The following CPA5 variants were observed in gnomAD, a reference collection of about 807,000 sequenced individuals.
CPA5 encodes carboxypeptidase A5, also known as testicular tissue protein Li 32.
In CPA5, 38 loss-of-function variants were observed where a neutral mutation model predicts 52.2. That is an observed-to-expected ratio of 0.73 (90% CI 0.56 to 0.95). The LOEUF (loss-of-function observed/expected upper bound fraction) is 0.95, where lower values mean the gene tolerates loss of function less well. CPA5 is among the 40% of genes least tolerant of loss of function. CPA5 has a pLI of 0.00. For missense variants in CPA5, 519 were observed against 566.7 expected (o/e 0.92, Z 0.86); for synonymous variants, 198 against 213.7 (o/e 0.93, Z 0.64).
chr7:130,352,132 C>T (rs1795186252), intron 5 of CPA5, among the ~76,000 whole-genome samples: 1 of 152,064 alleles, frequency 6.6e-6, no homozygotes, highest in African/African-American at 2.4e-5. Flanking sequence ...GGCTGGAAAA[C>T]CTCGATGCTG....
intron 12 of CPA5, among the ~76,000 whole-genome samples, 192 bp downstream of exon 12, chr7:130,368,182 G>C (rs1452660987): frequency 1.3e-5 from 2 of 152,252 alleles, no homozygotes; most frequent in African/African-American, 4.8e-5. Flanking sequence ...CTTACTGCAA[G>C]GTTCCTAAGC....
chr7:130,352,776 C>G (rs1451322220), intron 5 of CPA5, among the ~76,000 whole-genome samples: 2 of 151,944 alleles, frequency 1.3e-5, no homozygotes, highest in Non-Finnish European at 2.9e-5. Context: ...AAGAAATTAT[C>G]TGATTCCGAG....
rs1216313395 is a variant in CPA5 at position 130,357,950 on chromosome 7, CTCTGTG to C, written c.334-1637_334-1632del. Among the ~76,000 whole-genome samples, 90 of 77,868 alleles carry C rather than the reference CTCTGTG, an allele frequency of 1.2e-3. 5 individuals carry two copies. The highest frequency in any genetic ancestry group is 1.9e-4 in the African/African-American group (4 of 21,132). 51.1% of individuals were successfully genotyped at this position (77,868 alleles called of 152,430 possible). On this transcript the variant is annotated intron_variant, in intron 5 of 12. Transcript: ENST00000474905. ...TCTGTGTATGTGTGTGTTTTTGTGC[CTCTGTG>C]TGTGTGTGTGTGTGTGTGTGTGTGT...
At chr7:130,363,113 C>G (rs1795885124) in intron 9 of CPA5, 119 bp downstream of exon 9, 2 of 652,766 alleles carry the variant, frequency 3.1e-6, no homozygotes, top group South Asian at 3.7e-5. Flanking sequence ...TCACCAAGGG[C>G]AGGAGGGCTG....
At chr7:130,346,678 C>A in intron 3 of CPA5, 77 bp downstream of exon 3, 1 of 1,173,626 alleles carries the variant, frequency 8.5e-7, no homozygotes, top group Non-Finnish European at 1.3e-6. Flanking sequence ...AGGTGGCTGC[C>A]CTGCTGGTGC....
chr7:130,361,937 G>C (rs781945829), intron 7 of CPA5, among the ~76,000 whole-genome samples: 14 of 152,136 alleles, frequency 9.2e-5, no homozygotes, highest in Admixed American at 8.5e-4. Flanking sequence ...ACCTAACTTG[G>C]GATTTGACTT....
chr7:130,346,074 A>G (rs1483309055), intron 2 of CPA5, among the ~76,000 whole-genome samples, 178 bp downstream of exon 2: 1 of 152,222 alleles, frequency 6.6e-6, no homozygotes, highest in Non-Finnish European at 1.5e-5. Context: ...GGCCCAGGGA[A>G]AGCATGAGTG....
At position 130,350,110 on chromosome 7, in the gene CPA5, G is replaced by T; in HGVS notation, c.333+1G>T. 6.2e-7 allele frequency: 1 copy of T among 1,610,238 alleles called. No homozygotes were observed. Among genetic ancestry groups the T allele is most frequent in the South Asian group, 1.1e-5 (1 of 90,424 alleles). On this transcript the variant is annotated splice_donor_variant, in intron 5 of 12. Transcript: ENST00000474905. LOFTEE classifies it high-confidence loss of function. ...CAGCATCATGATAAAGGACATCCAG[G>T]TGAAGCCCTGCCCCAGCTGGGACCC...
chr7:130,368,302 T>C, intron 12 of CPA5, 108 bp from the exon 13 acceptor site: 1 of 1,080,742 alleles, frequency 9.3e-7, no homozygotes, highest in Non-Finnish European at 1.3e-6. Flanking sequence ...CTGGGGTGGG[T>C]GGGGGTTTGG....
chr7:130,357,265 G>A (rs967911025), intron 5 of CPA5, among the ~76,000 whole-genome samples: 10 of 152,178 alleles, frequency 6.6e-5, no homozygotes, highest in Non-Finnish European at 1.3e-4. Flanking sequence ...ATTAGGCATT[G>A]CCTCATCTGT....
At chr7:130,373,775 T>C in the CPA5 span, among the ~76,000 whole-genome samples, 1 of 152,240 alleles carries the variant, frequency 6.6e-6, no homozygotes, top group Non-Finnish European at 1.5e-5. Flanking sequence ...ATGGGGCCTG[T>C]CGGAACTTCC....
intron 11 of CPA5, 39 bp downstream of exon 11, chr7:130,367,610 C>T: frequency 1.3e-6 from 2 of 1,561,116 alleles, no homozygotes; most frequent in South Asian, 1.1e-5. Flanking sequence ...GAAGAGACCG[C>T]TTCACAGGAA....
Position 130,368,700 on chromosome 7 carries a change from T to G in CPA5, c.*103T>G. 1 of 1,205,078 alleles carries G rather than the reference T, an allele frequency of 8.3e-7. No homozygotes were observed. The highest frequency in any genetic ancestry group is 1.5e-5 in the African/African-American group (1 of 65,502). The allele number at this position is 1,205,078 out of a possible 1,614,324, so 74.6% of individuals were successfully genotyped here. A position where few individuals can be genotyped will look rare whatever the true frequency, so the allele number is the denominator to read the frequency against. ...CCATCCCCATGCCCTCATCCCGACC[T>G]CTTAGAAAATAAATACAAGTTTGAA... On this transcript the variant is annotated 3_prime_UTR_variant, in exon 13 of 13. Coordinates refer to ENST00000474905, the MANE Select transcript of CPA5 (RefSeq NM_080385.5).
chr7:130,354,075 A>C (rs1375510802), intron 5 of CPA5, among the ~76,000 whole-genome samples: 11 of 151,948 alleles, frequency 7.2e-5, no homozygotes, highest in Admixed American at 7.2e-4. Flanking sequence ...CTACAGGCCC[A>C]TGTCACCATA....
At position 130,363,004 on chromosome 7, in the gene CPA5, C is replaced by G. The variant is rs1554407230; in HGVS notation, c.747+10C>G. 1 of 1,541,886 alleles carries G rather than the reference C, an allele frequency of 6.5e-7. No individual in the cohort carries two copies. The highest frequency in any genetic ancestry group is 2.2e-5 in the East Asian group (1 of 44,512). On this transcript the variant is annotated intron_variant, in intron 9 of 12. Coordinates refer to ENST00000474905, the MANE Select transcript of CPA5 (RefSeq NM_080385.5). The stretch of plus-strand genomic sequence containing the variant: ...TTTTACCCACAGCATGGTGAGGGAA[C>G]CTGGGAAGGATGGAAGGAGGGGGTC...
In CPA5 at chr7:130,361,340, G is replaced by A. The variant is rs543240121; in HGVS notation, c.534+96G>A. ...GGTAGTGGCTGGGCGGGAGTTTTGC[G>A]GAGAAGGACAATTTGTCTACTCCTG... On this transcript the variant is annotated intron_variant, in intron 7 of 12. Coordinates refer to ENST00000474905, the MANE Select transcript of CPA5 (RefSeq NM_080385.5). 2.4e-4 allele frequency: 204 copies of A among 840,834 alleles called. 1 individual carries two copies. Among genetic ancestry groups the A allele is most frequent in the East Asian group, 1.2e-3 (46 of 38,860 alleles). 52.1% of individuals were successfully genotyped at this position (840,834 alleles called of 1,614,324 possible). A position where few individuals can be genotyped will look rare whatever the true frequency, so the allele number is the denominator to read the frequency against.
chr7:130,346,513 C>T lies in CPA5; in HGVS notation c.28C>T (p.Arg10Cys), dbSNP rs544178404. The T allele has an allele frequency of 6.1e-5, 99 of 1,613,484 alleles. 2 individuals carry two copies. The highest frequency in any genetic ancestry group is 2.3e-4 in the South Asian group (21 of 91,066). MQGTPGGGTRPGPSPVDRRT... is the reference protein window; with the variant it reads MQGTPGGGTCPGPSPVDRRT... Reference sequence around the variant, plus strand: ...GCAGGGCACCCCTGGAGGCGGGACGCGCCCTGGGCCATCCCCCGTGGACAG... The same window carrying T: ...GCAGGGCACCCCTGGAGGCGGGACGTGCCCTGGGCCATCCCCCGTGGACAG... The change falls in exon 3 of 13, where the codon CGC becomes TGC. Residue 10 changes from arginine (R) to cysteine (C), a missense_variant. Arg to Cys is a radical substitution (Grantham distance 180). Transcript: ENST00000474905.
intron 5 of CPA5, among the ~76,000 whole-genome samples, chr7:130,357,620 T>C (rs1221183880): frequency 7.3e-6 from 1 of 137,472 alleles, no homozygotes; most frequent in African/African-American, 2.9e-5. Flanking sequence ...AGAAATTCCA[T>C]CTCAAAAAAA....
chr7:130,347,336 G>A (rs142368620), intron 3 of CPA5, among the ~76,000 whole-genome samples: 2 of 152,222 alleles, frequency 1.3e-5, no homozygotes, highest in Non-Finnish European at 2.9e-5. Context: ...ACAGACCATG[G>A]CCTTGGGGCC....
Sources: allele counts gnomAD v4.1 joint callset (sites outside exome capture counted in the v4.1 genomes callset), GRCh38; gene constraint gnomAD v4.1.1; transcripts MANE v1.5; gene names NCBI Gene and HGNC (gene_info 2026-07-23, HGNC 2026-07-21).